SGCZ: variants seen among roughly 807,000 people sequenced by gnomAD.
SGCZ encodes zeta-sarcoglycan.
Under a neutral mutation model 41.3 loss-of-function variants are expected in SGCZ, and 40 were observed. That is an observed-to-expected ratio of 0.97 (90% CI 0.75 to 1.26). SGCZ has a LOEUF of 1.26. SGCZ is among the 50% of genes most tolerant of loss of function. The probability of loss-of-function intolerance (pLI) is 0.00; values close to 1 mark genes in which losing one functional copy is unlikely to be tolerated. For synonymous variants in SGCZ, 206 were observed against 137.5 expected (o/e 1.50, Z -3.49); for missense variants, 552 against 369.8 (o/e 1.49, Z -4.04).
At chr8:14,963,714 G>A (rs778352043) in intron 1 of SGCZ, among the ~76,000 whole-genome samples, 1 of 152,114 alleles carries the variant, frequency 6.6e-6, no homozygotes. Flanking sequence ...GAAAAGTCAT[G>A]GTTGTTAAAA....
At chr8:14,131,317 G>T (rs1024242086) in intron 5 of SGCZ, among the ~76,000 whole-genome samples, 5 of 152,142 alleles carry the variant, frequency 3.3e-5, no homozygotes, top group African/African-American at 7.2e-5. Flanking sequence ...GAACCAAAAG[G>T]GACTTCTTGT....
chr8:14,489,112 T>C (rs1454844740), intron 2 of SGCZ, among the ~76,000 whole-genome samples: 4 of 151,918 alleles, frequency 2.6e-5, no homozygotes, highest in African/African-American at 9.7e-5. Context: ...TTATTAAACA[T>C]AAAAGGGCAA....
intron 2 of SGCZ, among the ~76,000 whole-genome samples, chr8:14,530,838 A>G (rs1432683669): frequency 1.3e-5 from 2 of 152,104 alleles, no homozygotes; most frequent in Non-Finnish European, 2.9e-5. Context: ...AATGATTTTT[A>G]ATAGTTCTTG....
At chr8:14,934,696 A>C (rs2130810761) in intron 1 of SGCZ, among the ~76,000 whole-genome samples, 1 of 151,922 alleles carries the variant, frequency 6.6e-6, no homozygotes, top group Middle Eastern at 3.4e-3. Context: ...AATAAAGGAT[A>C]ATTTTTTAAA....
chr8:14,727,196 T>C (rs1477617920), intron 1 of SGCZ, among the ~76,000 whole-genome samples: 1 of 152,044 alleles, frequency 6.6e-6, no homozygotes, highest in Non-Finnish European at 1.5e-5. Context: ...AGAAGACATA[T>C]AAATAGTCAA....
At chr8:15,229,106 C>T (rs1474746757) in intron 1 of SGCZ, among the ~76,000 whole-genome samples, 5 of 151,984 alleles carry the variant, frequency 3.3e-5, no homozygotes, top group African/African-American at 7.3e-5. Flanking sequence ...GTGGGAGAAT[C>T]GCTTGAACCC....
At chr8:14,399,593 GT>G (rs1799016992) in intron 2 of SGCZ, among the ~76,000 whole-genome samples, 1 of 151,894 alleles carries the variant, frequency 6.6e-6, no homozygotes, top group African/African-American at 2.4e-5. Context: ...TCTGCAGTAT[GT>G]TTTTTTCAGT....
intron 1 of SGCZ, among the ~76,000 whole-genome samples, chr8:14,975,379 G>A (rs1208235859): frequency 6.6e-6 from 1 of 152,130 alleles, no homozygotes; most frequent in Non-Finnish European, 1.5e-5. Context: ...TTCCATCGAA[G>A]CACAATGAGA....
At chr8:14,206,749 T>G (rs1805628832) in intron 4 of SGCZ, among the ~76,000 whole-genome samples, 1 of 152,208 alleles carries the variant, frequency 6.6e-6, no homozygotes, top group Non-Finnish European at 1.5e-5. Context: ...CTAAATTACC[T>G]GCTGTTAGGA....
intron 2 of SGCZ, among the ~76,000 whole-genome samples, chr8:14,379,466 C>A (rs1804272469): frequency 6.6e-6 from 1 of 152,086 alleles, no homozygotes; most frequent in Non-Finnish European, 1.5e-5. Flanking sequence ...TACTCTAAGT[C>A]ACAGGTATAA....
chr8:15,102,536 GTATCCATATTGGT>G lies in SGCZ; in HGVS notation c.39+135036_39+135048del, dbSNP rs150419719. Among the ~76,000 whole-genome samples the G allele has an allele frequency of 5.5e-3, 841 of 152,262 alleles. 12 individuals carry two copies. Among genetic ancestry groups the G allele is most frequent in the African/African-American group, 0.019 (794 of 41,536 alleles). On this transcript the variant is annotated intron_variant, in intron 1 of 7. Transcript: ENST00000382080. ...ACTATAGACTTTTGTTTGTAATGAT[GTATCCATATTGGT>G]TTATGAAATATAACAAGCATACCAC... is the stretch of plus-strand genomic sequence containing the variant.
intron 1 of SGCZ, among the ~76,000 whole-genome samples, chr8:14,858,846 T>G (rs1027262044): frequency 6.6e-6 from 1 of 152,204 alleles, no homozygotes; most frequent in African/African-American, 2.4e-5. Flanking sequence ...AAAAACGAGT[T>G]TTATATCAAG....
intron 1 of SGCZ, among the ~76,000 whole-genome samples, chr8:14,612,076 A>G (rs1805947988): frequency 6.6e-6 from 1 of 152,252 alleles, no homozygotes; most frequent in Non-Finnish European, 1.5e-5. Flanking sequence ...TTTGAAAAAC[A>G]TTAGCTATGA....
At chr8:14,441,084 C>T (rs551910711) in intron 2 of SGCZ, among the ~76,000 whole-genome samples, 14 of 152,170 alleles carry the variant, frequency 9.2e-5, no homozygotes, top group African/African-American at 2.4e-4. Flanking sequence ...GATACAGGAC[C>T]GAAGTCTGGT....
At chr8:14,522,649 G>C (rs1046699366) in intron 2 of SGCZ, among the ~76,000 whole-genome samples, 2 of 151,092 alleles carry the variant, frequency 1.3e-5, no homozygotes, top group Admixed American at 1.3e-4. Flanking sequence ...TTTCAATTTT[G>C]TCATTTTTTT....
chr8:14,981,741 C>T (rs968798210), intron 1 of SGCZ, among the ~76,000 whole-genome samples: 8 of 152,118 alleles, frequency 5.3e-5, no homozygotes, highest in Admixed American at 6.5e-5. Flanking sequence ...TTAATAGCTC[C>T]GCTTATAGCC....
At chr8:14,710,844 G>A (rs1331456859) in intron 1 of SGCZ, among the ~76,000 whole-genome samples, 6 of 151,920 alleles carry the variant, frequency 3.9e-5, no homozygotes, top group Admixed American at 1.3e-4. Flanking sequence ...AAAGTCATGC[G>A]GAATTTTCAT....
intron 1 of SGCZ, among the ~76,000 whole-genome samples, chr8:14,974,938 T>C (rs1349266690): frequency 6.6e-6 from 1 of 151,474 alleles, no homozygotes; most frequent in African/African-American, 2.4e-5. Flanking sequence ...AAATTTGAAA[T>C]TCCCAGTAAT....
intron 1 of SGCZ, among the ~76,000 whole-genome samples, chr8:14,927,239 G>C (rs914836218): frequency 1.7e-4 from 25 of 151,356 alleles, no homozygotes; most frequent in African/African-American, 6.1e-4. Context: ...CTCCGGAGCA[G>C]CTGGGACTAC....
Sources: allele counts gnomAD v4.1 joint callset (sites outside exome capture counted in the v4.1 genomes callset), GRCh38; gene constraint gnomAD v4.1.1; transcripts MANE v1.5; gene names NCBI Gene and HGNC (gene_info 2026-07-23, HGNC 2026-07-21).